NWD1: variants seen among roughly 807,000 people sequenced by gnomAD.
NWD1 encodes NACHT domain- and WD repeat-containing protein 1.
A neutral mutation model predicts 135.1 loss-of-function variants in NWD1; 129 were observed. The observed-to-expected ratio is 0.96, with a 90% confidence interval of 0.83 to 1.11. NWD1 has a LOEUF of 1.11. Among genes scored for constraint, NWD1 ranks in the 50% least tolerant of loss-of-function variants. The probability of loss-of-function intolerance (pLI) is 0.00; values close to 1 mark genes in which losing one functional copy is unlikely to be tolerated. For missense variants in NWD1, 1,740 were observed against 1,851.3 expected (o/e 0.94, Z 1.10); for synonymous variants, 773 against 786.0 (o/e 0.98, Z 0.28).
intron 4 of NWD1, among the ~76,000 whole-genome samples, chr19:16,743,314 G>A (rs1009523338): frequency 2.6e-5 from 4 of 151,752 alleles, no homozygotes; most frequent in African/African-American, 4.8e-5. Flanking sequence ...GAGCTCAAGC[G>A]GTCCTCCAGC....
At position 16,724,691 on chromosome 19, in the gene NWD1, CA is replaced by C. The variant is rs1396557931; in HGVS notation, c.-7+236del. 9.9e-5 allele frequency among the ~76,000 whole-genome samples: 15 copies of C among 151,878 alleles called. No individual in the cohort carries two copies. In the South Asian group the frequency reaches 2.9e-3, roughly 29 times the overall value. Reference sequence around the variant, plus strand: ...TCAACCCAGTGAGACCCCATTTCTACAAAAAAAATATTTTTTTTTGAGACGA... The same window carrying C: ...TCAACCCAGTGAGACCCCATTTCTACAAAAAAATATTTTTTTTTGAGACGA... On this transcript the variant is annotated intron_variant, in intron 2 of 18. Transcript: ENST00000524140.
Position 16,754,462 on chromosome 19 carries a change from TTCCATCCATCCA to T in NWD1, c.1769+4086_1769+4097del, listed in dbSNP as rs59776692. On this transcript the variant is annotated intron_variant, in intron 6 of 18. Transcript: ENST00000524140. ...CTTCCTCCCATCCATCATCTCTATT[TTCCATCCATCCA>T]TCCATCCATCCATCCATCCATCCAT... Among the ~76,000 whole-genome samples the T allele has an allele frequency of 5.1e-3, 656 of 128,986 alleles. 1 individual carries two copies. Among genetic ancestry groups the T allele is most frequent in the Middle Eastern group, 6.3e-3 (1 of 160 alleles). The allele number at this position is 128,986 out of a possible 152,430, so 84.6% of individuals were successfully genotyped here.
At chr19:16,790,621 G>T (rs1970207576) in intron 13 of NWD1, among the ~76,000 whole-genome samples, 1 of 135,192 alleles carries the variant, frequency 7.4e-6, no homozygotes, top group Admixed American at 8.3e-5. Context: ...TCCCAAAACT[G>T]AAAGTAACAT....
chr19:16,815,430 CT>C lies in NWD1; in HGVS notation c.*392del. On this transcript the variant is annotated 3_prime_UTR_variant, in exon 19 of 19. Coordinates refer to ENST00000524140, the MANE Select transcript of NWD1 (RefSeq NM_001007525.5). The stretch of plus-strand genomic sequence containing the variant: ...AAAGAATACGTTTGCTGGTGTATAT[CT>C]GGACCCATGGCTTCAGATTATGGCT... The C allele has an allele frequency of 1.6e-6, 1 of 610,756 alleles. No homozygotes were observed. The highest frequency in any genetic ancestry group is 1.8e-5 in the African/African-American group (1 of 54,098). 37.8% of individuals were successfully genotyped at this position (610,756 alleles called of 1,614,324 possible).
intron 12 of NWD1, among the ~76,000 whole-genome samples, chr19:16,783,041 CTT>C (rs111618636): frequency 5.9e-5 from 7 of 119,390 alleles, no homozygotes; most frequent in African/African-American, 1.2e-4. Context: ...TTCTTTCTTT[CTT>C]TTTTTTTTTT....
intron 18 of NWD1, among the ~76,000 whole-genome samples, chr19:16,809,972 G>C (rs1970873671): frequency 6.6e-6 from 1 of 152,166 alleles, no homozygotes; most frequent in African/African-American, 2.4e-5. Flanking sequence ...GTCACAGGGA[G>C]ACTCTATCCC....
In NWD1 at chr19:16,762,286, C is replaced by T. The variant is rs979337051; in HGVS notation, c.2133+148C>T. ...GAGGGCAAGATGTCCCTTCTACTGT[C>T]CCCCCCACTCCTTTTTTTTTTTTTT... On this transcript the variant is annotated intron_variant, in intron 8 of 18. Coordinates refer to ENST00000524140, the MANE Select transcript of NWD1 (RefSeq NM_001007525.5). The T allele has an allele frequency of 7.1e-5, 44 of 615,676 alleles. No homozygotes were observed. In the South Asian group the frequency reaches 8.5e-4, roughly 12 times the overall value. The allele number at this position is 615,676 out of a possible 1,614,324, so 38.1% of individuals were successfully genotyped here. A position where few individuals can be genotyped will look rare whatever the true frequency, so the allele number is the denominator to read the frequency against.
intron 12 of NWD1, among the ~76,000 whole-genome samples, chr19:16,781,605 G>T (rs1283206639): frequency 1.3e-5 from 2 of 151,380 alleles, no homozygotes; most frequent in East Asian, 3.9e-4. Flanking sequence ...AACACAGCGA[G>T]ACCCTATCTC....
intron 5 of NWD1, among the ~76,000 whole-genome samples, chr19:16,747,345 TTTTATTTATTTATTTA>T (rs78977506): frequency 1.1e-4 from 16 of 143,260 alleles, no homozygotes; most frequent in South Asian, 2.2e-4. Flanking sequence ...GACATTTTCT[TTTTATTTATTTATTTA>T]TTTATTTATT....
rs1487860372 is a variant in NWD1, at chr19:16,749,247, A to T, written c.605A>T (p.Asp202Val). The T allele has an allele frequency of 2.5e-6, 4 of 1,614,066 alleles. No homozygotes were observed. The highest frequency in any genetic ancestry group is 3.4e-6 in the Non-Finnish European group (4 of 1,179,966). The change falls in exon 6 of 19, where the codon GAC becomes GTC. Residue 202 changes from aspartate (D) to valine (V), a missense_variant. Transcript: ENST00000524140. ...IQDLHKHILE[D>V]CALRMVDRLA... ...GACCTCCACAAACACATCCTTGAAG[A>T]CTGCGCCCTTAGGATGGTGGACCGG...
chr19:16,728,727 G>A (rs1462489280), intron 2 of NWD1, among the ~76,000 whole-genome samples: 4 of 151,504 alleles, frequency 2.6e-5, no homozygotes, highest in East Asian at 2.0e-4. Context: ...GGCGAATCAC[G>A]AGGTCAGGAG....
At chr19:16,778,494 C>CTTTTTTTTTTTT (rs11307621) in intron 11 of NWD1, among the ~76,000 whole-genome samples, 5 of 107,564 alleles carry the variant, frequency 4.6e-5, no homozygotes, top group African/African-American at 2.4e-4. Flanking sequence ...TCTTCTTCTT[C>CTTTTTTTTTTTT]TTTTTTTTTT....
intron 10 of NWD1, among the ~76,000 whole-genome samples, chr19:16,766,274 C>T (rs1969219686): frequency 6.6e-6 from 1 of 152,146 alleles, no homozygotes; most frequent in Non-Finnish European, 1.5e-5. Context: ...TGATGGCTTA[C>T]ACCTGTAGTC....
rs766576547 is a variant in NWD1 at position 16,797,769 on chromosome 19, G to C, written c.3342G>C (p.Ser1114=). The C allele has an allele frequency of 1.2e-6, 2 of 1,614,118 alleles. No homozygotes were observed. The highest frequency in any genetic ancestry group is 8.5e-7 in the Non-Finnish European group (1 of 1,179,988). The change falls in exon 16 of 19, where the codon TCG becomes TCC. Residue 1114 remains serine, a synonymous_variant. Coordinates refer to ENST00000524140, the MANE Select transcript of NWD1 (RefSeq NM_001007525.5). ...GRSVRIFLAD[S]RGFRRFMAMD... ...CGGTGCGGATATTCTTGGCGGACTC[G>C]AGGGGCTTTCGCCGATTCATGGCCA... is the stretch of plus-strand genomic sequence containing the variant.
intron 1 of NWD1, among the ~76,000 whole-genome samples, chr19:16,722,296 T>C (rs1020098847): frequency 4.3e-5 from 6 of 141,114 alleles, no homozygotes; most frequent in Non-Finnish European, 7.8e-5. Flanking sequence ...AAGACTTGAC[T>C]TTTTTTTTTT....
At chr19:16,748,803 GAC>G (rs1428149239) in intron 5 of NWD1, among the ~76,000 whole-genome samples, 4 of 151,904 alleles carry the variant, frequency 2.6e-5, no homozygotes, top group Non-Finnish European at 5.9e-5. Flanking sequence ...CAGCCTGGGT[GAC>G]AGAGTGAGAC....
At chr19:16,805,943 A>G (rs1423032387) in intron 17 of NWD1, among the ~76,000 whole-genome samples, 2 of 150,776 alleles carry the variant, frequency 1.3e-5, no homozygotes, top group African/African-American at 4.9e-5. Context: ...ATCTTGACAC[A>G]CTGCAACCTC....
At chr19:16,721,047 G>T (rs1006954754) in intron 1 of NWD1, among the ~76,000 whole-genome samples, 33 of 151,882 alleles carry the variant, frequency 2.2e-4, no homozygotes, top group African/African-American at 7.7e-4. Context: ...ATGGGGTTTC[G>T]CCATGTTGGC....
intron 17 of NWD1, among the ~76,000 whole-genome samples, chr19:16,803,775 AT>A (rs771910813): frequency 0.013 from 1,890 of 149,820 alleles, 23 homozygotes; most frequent in Middle Eastern, 0.031. Context: ...AAAAAAAAAA[AT>A]TATCTGGGCG....
Sources: allele counts gnomAD v4.1 joint callset (sites outside exome capture counted in the v4.1 genomes callset), GRCh38; gene constraint gnomAD v4.1.1; transcripts MANE v1.5; gene names NCBI Gene and HGNC (gene_info 2026-07-23, HGNC 2026-07-21).